The following AGO3 variants were observed in gnomAD, a reference collection of about 807,000 sequenced individuals.
AGO3 encodes protein argonaute-3.
In AGO3, 16 loss-of-function variants were observed where a neutral mutation model predicts 105.5. The ratio of observed to expected loss-of-function variants is 0.15; its 90% CI spans 0.10 to 0.23. The LOEUF is 0.23. Among genes scored for constraint, AGO3 ranks in the 10% least tolerant of loss-of-function variants. AGO3 has a pLI of 1.00. For synonymous variants in AGO3, 340 were observed against 367.3 expected (o/e 0.93, Z 0.85); for missense variants, 534 against 1,088.0 (o/e 0.49, Z 7.16).
chr1:35,934,806 A>G (rs912634344), intron 1 of AGO3, among the ~76,000 whole-genome samples: 3 of 152,024 alleles, frequency 2.0e-5, no homozygotes, highest in South Asian at 4.1e-4. Context: ...GCGCACCACC[A>G]TGCCTGGCTA....
intron 2 of AGO3, among the ~76,000 whole-genome samples, chr1:35,949,232 C>T (rs1013994858): frequency 3.3e-5 from 5 of 152,184 alleles, no homozygotes; most frequent in Non-Finnish European, 7.3e-5. Flanking sequence ...CGTGAGCTAC[C>T]GCACCCGGCC....
At position 36,072,357 on chromosome 1, in the gene AGO3, A is replaced by G. The variant is rs548143517; in HGVS notation, c.*16612A>G. On this transcript the variant is annotated 3_prime_UTR_variant, in exon 19 of 19. Coordinates refer to ENST00000373191, the MANE Select transcript of AGO3 (RefSeq NM_024852.4). ...CAGAACCACTACTCTTTTTTCTGCCATTCTGCCTACTGGAGAGTTCTATGT... is the reference window on the plus strand; with the variant it reads ...CAGAACCACTACTCTTTTTTCTGCCGTTCTGCCTACTGGAGAGTTCTATGT... 1.3e-5 allele frequency: 2 copies of G among 152,334 alleles called. No individual in the cohort carries two copies. Among genetic ancestry groups the G allele is most frequent in the East Asian group, 1.9e-4 (1 of 5,188 alleles). 9.4% of individuals were successfully genotyped at this position (152,334 alleles called of 1,614,324 possible).
chr1:36,052,695 C>CA (rs1316151114), intron 17 of AGO3, among the ~76,000 whole-genome samples: 8 of 151,846 alleles, frequency 5.3e-5, no homozygotes, highest in Non-Finnish European at 7.4e-5. Flanking sequence ...TAACAAAAGC[C>CA]AAAAAAAGTT....
chr1:35,967,025 G>A lies in AGO3; in HGVS notation c.262G>A (p.Gly88Arg). ...TGGAGACCGTAGACCAGTTTATGAT[G>A]GAAAAAGAAGTCTTTACACCGCCAA... ...IFGDRRPVYD[G>R]KRSLYTANPL... The change falls in exon 3 of 19, where the codon GGA (glycine) becomes AGA (arginine). Residue 88 changes from glycine (G) to arginine (R), a missense_variant. By Grantham distance (125) the Gly-to-Arg change is moderately radical. Transcript: ENST00000373191. 6.2e-7 allele frequency: 1 copy of A among 1,613,568 alleles called. No individual in the cohort carries two copies.
At position 35,951,033 on chromosome 1, in the gene AGO3, T is replaced by G. The variant is rs1005803790; in HGVS notation, c.191+5170T>G. 8.5e-4 allele frequency among the ~76,000 whole-genome samples: 129 copies of G among 152,288 alleles called. 1 individual carries two copies. The highest frequency in any genetic ancestry group is 3.1e-3 in the African/African-American group (127 of 41,548). The stretch of plus-strand genomic sequence containing the variant: ...GTGCAATGGCACATTCTCAGCTCAC[T>G]GCAACCTCCGCCTCCTGGGTTCAAG... On this transcript the variant is annotated intron_variant, in intron 2 of 18. Coordinates refer to ENST00000373191, the MANE Select transcript of AGO3 (RefSeq NM_024852.4).
chr1:35,971,046 T>G (rs11809890), intron 3 of AGO3, among the ~76,000 whole-genome samples: 1 of 123,482 alleles, frequency 8.1e-6, no homozygotes, highest in Non-Finnish European at 1.9e-5. Flanking sequence ...ATATATATAT[T>G]TTTTATTATA....
intron 5 of AGO3, among the ~76,000 whole-genome samples, chr1:36,003,090 A>G (rs1477358602): frequency 6.6e-6 from 1 of 152,064 alleles, no homozygotes; most frequent in African/African-American, 2.4e-5. Flanking sequence ...TAAATAGATA[A>G]ATAGATAAAT....
intron 2 of AGO3, among the ~76,000 whole-genome samples, chr1:35,959,633 T>C (rs1047411778): frequency 3.3e-5 from 5 of 152,176 alleles, no homozygotes; most frequent in Non-Finnish European, 5.9e-5. Flanking sequence ...TACACTTAAA[T>C]ATTTTGCTAA....
At chr1:36,040,031 T>G in intron 15 of AGO3, 47 bp downstream of exon 15, 1 of 1,536,364 alleles carries the variant, frequency 6.5e-7, no homozygotes, top group Non-Finnish European at 8.8e-7. Context: ...TCAGATATTG[T>G]GTTTATAATA....
chr1:36,067,020 T>A lies in AGO3; in HGVS notation c.*11275T>A, dbSNP rs1643104682. ...TATTCTCAGTAACTTAGAGAAGTCTTGGAAGTTGCTTCTGAATTACAGTAA... is the reference window on the plus strand; with the variant it reads ...TATTCTCAGTAACTTAGAGAAGTCTAGGAAGTTGCTTCTGAATTACAGTAA... On this transcript the variant is annotated 3_prime_UTR_variant, in exon 19 of 19. Coordinates refer to ENST00000373191, the MANE Select transcript of AGO3 (RefSeq NM_024852.4). The A allele has an allele frequency of 6.6e-6, 1 of 152,212 alleles. No homozygotes were observed. The highest frequency in any genetic ancestry group is 2.4e-5 in the African/African-American group (1 of 41,462). 9.4% of individuals were successfully genotyped at this position (152,212 alleles called of 1,614,324 possible). A position where few individuals can be genotyped will look rare whatever the true frequency, so the allele number is the denominator to read the frequency against.
chr1:36,052,613 C>G (rs1365883648), intron 17 of AGO3, among the ~76,000 whole-genome samples: 2 of 152,060 alleles, frequency 1.3e-5, no homozygotes, highest in East Asian at 3.9e-4. Flanking sequence ...GATCATTATA[C>G]ATTATATATG....
chr1:36,027,025 C>T lies in AGO3; in HGVS notation c.1407-89C>T. ...GAAGCACACAAATCTTTGCTTCATC[C>T]TTCCATTCCCTTCCCAAACTTCCCA... On this transcript the variant is annotated intron_variant, in intron 11 of 18. Coordinates refer to ENST00000373191, the MANE Select transcript of AGO3 (RefSeq NM_024852.4). This position sits in a 1 kb window ranked among gnomAD's most constrained non-coding sequence, Gnocchi z 4.0. 1 of 1,429,300 alleles carries T rather than the reference C, an allele frequency of 7.0e-7. No homozygotes were observed. The highest frequency in any genetic ancestry group is 9.5e-7 in the Non-Finnish European group (1 of 1,050,956). The allele number at this position is 1,429,300 out of a possible 1,614,324, so 88.5% of individuals were successfully genotyped here.
intron 17 of AGO3, among the ~76,000 whole-genome samples, chr1:36,051,076 A>C (rs957796393): frequency 6.6e-6 from 1 of 152,090 alleles, no homozygotes. Flanking sequence ...TGGCCTCCCA[A>C]AGTGCTGGGA....
chr1:36,024,706 CAG>C (rs1641415644), intron 11 of AGO3, among the ~76,000 whole-genome samples: 1 of 152,024 alleles, frequency 6.6e-6, no homozygotes, highest in South Asian at 2.1e-4. Flanking sequence ...TTTATTGAGA[CAG>C]AGTCTCACTC....
In AGO3 at chr1:35,971,902, T is replaced by C. The variant is rs184824538; in HGVS notation, c.313-122T>C. On this transcript the variant is annotated intron_variant, in intron 3 of 18. Coordinates refer to ENST00000373191, the MANE Select transcript of AGO3 (RefSeq NM_024852.4). The stretch of plus-strand genomic sequence containing the variant: ...ATTTTATCTACAAAAAAAAATGGTA[T>C]ATTTTAGTCTATTGACTTTATTTTT... The C allele has an allele frequency of 2.9e-4, 257 of 871,308 alleles. No individual in the cohort carries two copies. In the African/African-American group the frequency reaches 3.2e-3, roughly 11 times the overall value. 54.0% of individuals were successfully genotyped at this position (871,308 alleles called of 1,614,324 possible). A position where few individuals can be genotyped will look rare whatever the true frequency, so the allele number is the denominator to read the frequency against.
chr1:36,043,494 C>T lies in AGO3; in HGVS notation c.2220C>T (p.Asp740=). 3.7e-6 allele frequency: 6 copies of T among 1,613,990 alleles called. No individual in the cohort carries two copies. Among genetic ancestry groups the T allele is most frequent in the Non-Finnish European group, 5.1e-6 (6 of 1,179,966 alleles). The change falls in exon 17 of 19, where the codon GAC becomes GAT. Residue 740 remains aspartate, a synonymous_variant. Transcript: ENST00000373191. ...CAGCTGGAACAACAGTTGATACAGA[C>T]ATTACACACCCATATGAGTTCGATT... ...NIPAGTTVDT[D]ITHPYEFDFY...
At chr1:36,054,830 T>A in intron 17 of AGO3, 116 bp from the exon 18 acceptor site, 1 of 953,754 alleles carries the variant, frequency 1.0e-6, no homozygotes. Flanking sequence ...TGCAGTGATC[T>A]GAGATCACGC....
At chr1:35,986,023 A>G (rs946857115) in intron 5 of AGO3, among the ~76,000 whole-genome samples, 1 of 152,244 alleles carries the variant, frequency 6.6e-6, no homozygotes, top group African/African-American at 2.4e-5. Flanking sequence ...AAAATTAAAA[A>G]GCCTTATGAT....
At chr1:35,973,898 A>G (rs889697419) in intron 5 of AGO3, among the ~76,000 whole-genome samples, 2 of 152,176 alleles carry the variant, frequency 1.3e-5, no homozygotes, top group Non-Finnish European at 2.9e-5. Context: ...TCTTAATGTG[A>G]TGCTAATTGC....
Sources: allele counts gnomAD v4.1 joint callset (sites outside exome capture counted in the v4.1 genomes callset), GRCh38; gene constraint gnomAD v4.1.1; non-coding constraint Gnocchi (gnomAD v3.1); transcripts MANE v1.5; gene names NCBI Gene and HGNC (gene_info 2026-07-23, HGNC 2026-07-21).